The following IL19 variants were observed in gnomAD, a reference collection of about 807,000 sequenced individuals.
IL19 encodes interleukin 19, also known as interleukin-19.
In IL19, 15 loss-of-function variants were observed where a neutral mutation model predicts 19.5. The observed-to-expected ratio is 0.77, with a 90% confidence interval of 0.52 to 1.19. The LOEUF (loss-of-function observed/expected upper bound fraction) is 1.19. Among genes scored for constraint, IL19 ranks in the 50% most tolerant of loss-of-function variants. The probability of loss-of-function intolerance (pLI) is 0.00; values close to 1 mark genes in which losing one functional copy is unlikely to be tolerated. For synonymous variants in IL19, 78 were observed against 78.3 expected (o/e 1.00, Z 0.02); for missense variants, 199 against 213.1 (o/e 0.93, Z 0.41).
intron 2 of IL19, among the ~76,000 whole-genome samples, chr1:206,799,542 G>A (rs1165681438): frequency 6.6e-6 from 1 of 152,174 alleles, no homozygotes; most frequent in Non-Finnish European, 1.5e-5. Context: ...GCTTTTCTTG[G>A]CAGCTTTCTC....
chr1:206,799,048 T>C (rs755089618), intron 2 of IL19, 42 bp downstream of exon 2: 1 of 1,308,648 alleles, frequency 7.6e-7, no homozygotes, highest in East Asian at 2.3e-5. Context: ...GTGGAGCCAT[T>C]CTCTGGGACC....
chr1:206,800,953 G>C lies in IL19; in HGVS notation c.-3+1947G>C, dbSNP rs1558611998. Among the ~76,000 whole-genome samples the C allele has an allele frequency of 2.6e-5, 4 of 152,146 alleles. 1 individual carries two copies. The highest frequency in any genetic ancestry group is 1.3e-4 in the Admixed American group (2 of 15,278). On this transcript the variant is annotated intron_variant, in intron 2 of 6. Transcript: ENST00000659997. ...CAGAAACATATTCCAGAAGGCCTTA[G>C]GATGAGACATTACTCCTGCCTGTGG...
chr1:206,805,839 C>G (rs1675831809), intron 2 of IL19, among the ~76,000 whole-genome samples: 4 of 152,178 alleles, frequency 2.6e-5, no homozygotes, highest in Admixed American at 2.6e-4. Flanking sequence ...CTGTATTCAT[C>G]AGGAGTCTGG....
intron 6 of IL19, among the ~76,000 whole-genome samples, chr1:206,841,300 A>G (rs1677010602): frequency 6.6e-6 from 1 of 152,092 alleles, no homozygotes; most frequent in East Asian, 1.9e-4. Flanking sequence ...ATTTTCTCAT[A>G]CCCTCATATA....
At chr1:206,803,785 C>G (rs542449916) in intron 2 of IL19, among the ~76,000 whole-genome samples, 1 of 152,182 alleles carries the variant, frequency 6.6e-6, no homozygotes, top group East Asian at 1.9e-4. Context: ...TTCAAACTGA[C>G]TGCACTTCAA....
chr1:206,811,510 C>G (rs998073409), intron 2 of IL19, among the ~76,000 whole-genome samples: 29 of 151,348 alleles, frequency 1.9e-4, no homozygotes, highest in Admixed American at 1.3e-4. Flanking sequence ...TATTTCCAGA[C>G]CTAGGCCAGT....
At chr1:206,802,567 G>T (rs1052937312) in intron 2 of IL19, among the ~76,000 whole-genome samples, 1 of 152,166 alleles carries the variant, frequency 6.6e-6, no homozygotes, top group African/African-American at 2.4e-5. Flanking sequence ...AGGTCTTTTG[G>T]TGACACAACC....
At chr1:206,779,846 C>T (rs1380683323) in intron 1 of IL19, among the ~76,000 whole-genome samples, 1 of 146,556 alleles carries the variant, frequency 6.8e-6, no homozygotes, top group East Asian at 1.9e-4. Flanking sequence ...TCCGCATGCT[C>T]TCTCTCTCTC....
chr1:206,826,244 A>G (rs975461768), intron 2 of IL19, among the ~76,000 whole-genome samples: 5 of 152,200 alleles, frequency 3.3e-5, no homozygotes, highest in Admixed American at 3.3e-4. Flanking sequence ...ATCCTAGCTA[A>G]CTTCTAAGTA....
chr1:206,771,974 A>G (rs1558603226), intron 1 of IL19, among the ~76,000 whole-genome samples: 1 of 152,196 alleles, frequency 6.6e-6, no homozygotes. Flanking sequence ...ACATTTCTTT[A>G]CTTCTCCTAG....
rs780801302 is a variant in IL19 at position 206,839,887 on chromosome 1, C to G, written c.248C>G (p.Ala83Gly). 8.7e-6 allele frequency: 14 copies of G among 1,613,842 alleles called. No individual in the cohort carries two copies. In the African/African-American group the frequency reaches 1.5e-4, roughly 17 times the overall value. Residue 83 changes from alanine to glycine, a missense_variant, in exon 5 of 7, where the codon GCG becomes GGG. Physicochemically the swap from Ala to Gly is moderately conservative, Grantham distance 60 (BLOSUM62 0). Coordinates refer to ENST00000659997, the MANE Select transcript of IL19 (RefSeq NM_153758.5). ...TGCTGCGTGACCAAGAACCTCCTGG[C>G]GTTCTACGTGGACAGGGTGTTCAAG... ...DVCCVTKNLL[A>G]FYVDRVFKDH...
intron 1 of IL19, among the ~76,000 whole-genome samples, chr1:206,786,206 T>C (rs187164900): frequency 1.0e-3 from 152 of 152,280 alleles, no homozygotes; most frequent in Non-Finnish European, 1.3e-3. Flanking sequence ...ATGGGAAAAA[T>C]GCTTGTCATA....
At chr1:206,821,668 A>AG (rs1294828797) in intron 2 of IL19, among the ~76,000 whole-genome samples, 8 of 152,238 alleles carry the variant, frequency 5.3e-5, no homozygotes, top group Admixed American at 5.2e-4. Context: ...CTTCCACTGC[A>AG]GCAGGTGGAT....
At chr1:206,797,245 C>T (rs1472800376) in intron 1 of IL19, among the ~76,000 whole-genome samples, 1 of 150,292 alleles carries the variant, frequency 6.7e-6, no homozygotes, top group African/African-American at 2.5e-5. Flanking sequence ...GGGATTTTGC[C>T]AAGTCAGTCC....
chr1:206,807,128 G>A (rs1675867905), intron 2 of IL19, among the ~76,000 whole-genome samples: 1 of 152,138 alleles, frequency 6.6e-6, no homozygotes, highest in Non-Finnish European at 1.5e-5. Context: ...TACAAAACCA[G>A]CAGATCTCAT....
At chr1:206,834,114 G>A in intron 2 of IL19, 1 of 985,524 alleles carries the variant, frequency 1.0e-6, no homozygotes. Context: ...CATTTGCATG[G>A]AGATGGGGAG....
chr1:206,816,429 C>T (rs918299159), intron 2 of IL19, among the ~76,000 whole-genome samples: 11 of 152,102 alleles, frequency 7.2e-5, no homozygotes, highest in Non-Finnish European at 1.5e-5. Context: ...TTATACCTTA[C>T]ATGAAATATA....
intron 1 of IL19, among the ~76,000 whole-genome samples, chr1:206,773,416 G>A (rs1346798086): frequency 6.6e-6 from 1 of 152,178 alleles, no homozygotes; most frequent in Non-Finnish European, 1.5e-5. Flanking sequence ...TCTTTTAGTT[G>A]TAAGCTTCTG....
Position 206,842,580 on chromosome 1 carries a change from A to G in IL19, c.492A>G (p.Leu164=), listed in dbSNP as rs1437886916. 1 of 1,576,640 alleles carries G rather than the reference A, an allele frequency of 6.3e-7. No homozygotes were observed. The highest frequency in any genetic ancestry group is 2.3e-5 in the East Asian group (1 of 43,846). Residue 164 remains leucine (L), a synonymous_variant, in exon 7 of 7, where the codon CTA becomes CTG. Transcript: ENST00000659997. ...CCCTGGGAGAGCTCGACGTCTTTCT[A>G]GCCTGGATTAATAAGAATCATGAAG... ...IKSLGELDVF[L]AWINKNHEVM... is the part of the protein sequence containing the mutation.
Sources: gnomAD v4.1 joint callset for allele counts (sites outside exome capture counted in the v4.1 genomes callset) on GRCh38, gnomAD v4.1.1 for gene constraint, MANE v1.5 for transcripts, NCBI Gene and HGNC (gene_info 2026-07-23, HGNC 2026-07-21) for gene names.